The following CD34 variants were observed in gnomAD, a reference collection of about 807,000 sequenced individuals.
CD34 encodes the protein hematopoietic progenitor cell antigen CD34.
CD34 carries 34 observed loss-of-function variants against 40.1 expected under a neutral mutation model. That is an observed-to-expected ratio of 0.85 (90% CI 0.65 to 1.13). CD34 has a LOEUF of 1.13. Ranked by LOEUF, CD34 falls within the 50% of genes most tolerant of loss-of-function variation. The probability of loss-of-function intolerance (pLI) is 0.00; values close to 1 mark genes in which losing one functional copy is unlikely to be tolerated. For missense variants in CD34, 426 were observed against 466.9 expected (o/e 0.91, Z 0.81); for synonymous variants, 209 against 190.0 (o/e 1.10, Z -0.82).
Position 207,897,587 on chromosome 1 carries a change from A to G in CD34, c.517-14T>C. Reference sequence around the variant, plus strand: ...TTTGATTTCTGCCTGTATTAAAACAAAAACAATAACAAAAACAAAGTAAAT... The same window carrying G: ...TTTGATTTCTGCCTGTATTAAAACAGAAACAATAACAAAAACAAAGTAAAT... On this transcript the variant is annotated splice_polypyrimidine_tract_variant and intron_variant, in intron 3 of 7. Coordinates refer to ENST00000310833, the MANE Select transcript of CD34 (RefSeq NM_001025109.2). 1.3e-6 allele frequency: 2 copies of G among 1,541,016 alleles called. No individual in the cohort carries two copies. The highest frequency in any genetic ancestry group is 8.8e-7 in the Non-Finnish European group (1 of 1,137,896).
chr1:207,899,321 A>T (rs535806154), intron 2 of CD34, 95 bp from the exon 3 acceptor site: 1 of 1,355,524 alleles, frequency 7.4e-7, no homozygotes, highest in East Asian at 2.3e-5. Context: ...TCAACACAGA[A>T]AAGGGAGTTT....
At position 207,884,911 on chromosome 1, in the gene CD34, A is replaced by G. The variant is rs1661872527; in HGVS notation, c.*2827T>C. 1 of 152,182 alleles carries G rather than the reference A, an allele frequency of 6.6e-6. No individual in the cohort carries two copies. Among genetic ancestry groups the G allele is most frequent in the Non-Finnish European group, 1.5e-5 (1 of 68,052 alleles). The allele number at this position is 152,182 out of a possible 1,614,324, so 9.4% of individuals were successfully genotyped here. On this transcript the variant is annotated 3_prime_UTR_variant, in exon 8 of 8. Coordinates refer to ENST00000310833, the MANE Select transcript of CD34 (RefSeq NM_001025109.2). ...GTCCCAAACCTATCTTCACACTGCC[A>G]CACTGGCTTCATGACATCCAACTGG...
At chr1:207,898,381 C>T (rs1448979402) in intron 3 of CD34, among the ~76,000 whole-genome samples, 4 of 152,132 alleles carry the variant, frequency 2.6e-5, no homozygotes, top group South Asian at 4.1e-4. Flanking sequence ...AAAGATCCCT[C>T]GGGCATATCT....
rs1287082120 is a variant in CD34, at chr1:207,881,953, G to T, written c.*5785C>A. ...TCTTTGAAGTTCTAAATTTTTAAGA[G>T]TGTAAGAGGGCTTTGAGAATAGCTG... On this transcript the variant is annotated 3_prime_UTR_variant, in exon 8 of 8. Transcript: ENST00000310833. The T allele has an allele frequency of 6.6e-6, 1 of 152,296 alleles. No individual in the cohort carries two copies. The highest frequency in any genetic ancestry group is 2.4e-5 in the African/African-American group (1 of 41,544). 9.4% of individuals were successfully genotyped at this position (152,296 alleles called of 1,614,324 possible). A position where few individuals can be genotyped will look rare whatever the true frequency, so the allele number is the denominator to read the frequency against.
rs199957296 is a variant in CD34, at chr1:207,889,539, T to C, written c.680A>G (p.Gln227Arg). The C allele has an allele frequency of 1.9e-6, 3 of 1,614,092 alleles. No homozygotes were observed. Among genetic ancestry groups the C allele is most frequent in the Non-Finnish European group, 8.5e-7 (1 of 1,179,986 alleles). The part of the protein sequence containing the change: ...EEQADADAGA[Q>R]VCSLLLAQSE... ...CTGGGCAAGGAGCAGGGAGCATACC[T>C]GGGCCCCAGCATCAGCATCAGCCTG... Residue 227 changes from glutamine (Q) to arginine (R), a missense_variant, in exon 5 of 8, where the codon CAG (glutamine) becomes CGG (arginine). Coordinates refer to ENST00000310833, the MANE Select transcript of CD34 (RefSeq NM_001025109.2).
rs766848253 is a variant in CD34, at chr1:207,911,010, C to T, written c.71G>A (p.Ser24Asn). ...PRGWTALCLL[S>N]LLPSGFMSLD... is the part of the protein sequence containing the mutation. ...GCGCGGGCGGTACTCACGCAGCAAACTCAGCAAGCAAAGCGCGGTCCAGCC... is the reference window on the plus strand; with the variant it reads ...GCGCGGGCGGTACTCACGCAGCAAATTCAGCAAGCAAAGCGCGGTCCAGCC... Residue 24 changes from serine to asparagine, a missense_variant, in exon 1 of 8, where the codon AGT (serine) becomes AAT (asparagine). Physicochemically the swap from Ser to Asn is conservative, Grantham distance 46. Coordinates refer to ENST00000310833, the MANE Select transcript of CD34 (RefSeq NM_001025109.2). The T allele has an allele frequency of 6.9e-6, 11 of 1,589,744 alleles. No individual in the cohort carries two copies. In the Admixed American group the frequency reaches 1.7e-4, roughly 25 times the overall value.
Position 207,882,666 on chromosome 1 carries a change from A to T in CD34, c.*5072T>A, listed in dbSNP as rs1661829303. On this transcript the variant is annotated 3_prime_UTR_variant, in exon 8 of 8. Coordinates refer to ENST00000310833, the MANE Select transcript of CD34 (RefSeq NM_001025109.2). ...AATAGAAGGTATAAAGAAGAATCAC[A>T]TGCTTTGCTTGAGCCTTAAAAGAAT... is the stretch of plus-strand genomic sequence containing the variant. The T allele has an allele frequency of 6.6e-6, 1 of 152,250 alleles. No homozygotes were observed. The highest frequency in any genetic ancestry group is 2.4e-5 in the African/African-American group (1 of 41,466). The allele number at this position is 152,250 out of a possible 1,614,324, so 9.4% of individuals were successfully genotyped here.
intron 4 of CD34, among the ~76,000 whole-genome samples, chr1:207,890,891 ACT>A (rs1662018514): frequency 6.6e-6 from 1 of 152,312 alleles, no homozygotes; most frequent in East Asian, 1.9e-4. Context: ...AGACGTTCTA[ACT>A]CTGGAAAAAT....
chr1:207,910,233 G>T (rs1000305138), intron 1 of CD34, among the ~76,000 whole-genome samples: 1 of 152,164 alleles, frequency 6.6e-6, no homozygotes, highest in African/African-American at 2.4e-5. Context: ...TGGAGCAGGG[G>T]CAGAGGAAGA....
chr1:207,894,337 G>GT (rs914782143), intron 4 of CD34, among the ~76,000 whole-genome samples: 6 of 152,192 alleles, frequency 3.9e-5, no homozygotes, highest in African/African-American at 1.4e-4. Context: ...CTCATATGAG[G>GT]TACCTAGAGT....
chr1:207,889,424 C>T, intron 5 of CD34, 41 bp downstream of exon 5: 1 of 1,584,610 alleles, frequency 6.3e-7, no homozygotes, highest in Non-Finnish European at 8.6e-7. Flanking sequence ...TAACCTCAGC[C>T]CTACTCCTTC....
rs1662454554 is a variant in CD34, at chr1:207,909,461, T to C, written c.79+1541A>G. On this transcript the variant is annotated intron_variant, in intron 1 of 7. Transcript: ENST00000310833. ...TCTCGCTCTGTCTCCCAGGCTGGAG[T>C]GCAGTGCCAGGATCTTGGCTCGCTG... Among the ~76,000 whole-genome samples the C allele has an allele frequency of 2.0e-5, 3 of 152,082 alleles. No individual in the cohort carries two copies. In the South Asian group the frequency reaches 6.2e-4, roughly 32 times the overall value.
Position 207,887,460 on chromosome 1 carries a change from C to T in CD34, c.*278G>A, listed in dbSNP as rs1558116571. 10 of 433,176 alleles carry T rather than the reference C, an allele frequency of 2.3e-5. No homozygotes were observed. The East Asian group carries it at 3.2e-4, about 14-fold the overall frequency. 26.8% of individuals were successfully genotyped at this position (433,176 alleles called of 1,614,324 possible). A position where few individuals can be genotyped will look rare whatever the true frequency, so the allele number is the denominator to read the frequency against. On this transcript the variant is annotated 3_prime_UTR_variant, in exon 8 of 8. Transcript: ENST00000310833. ...TCCTGTGTGAGTGCTGCAAGGCCATCGATTGTTCCTGGGAGCTTCTCCAGA... is the reference window on the plus strand; with the variant it reads ...TCCTGTGTGAGTGCTGCAAGGCCATTGATTGTTCCTGGGAGCTTCTCCAGA...
At chr1:207,890,120 A>T in intron 4 of CD34, 1 of 1,159,290 alleles carries the variant, frequency 8.6e-7, no homozygotes, top group African/African-American at 1.6e-5. Flanking sequence ...AAGGAGTCTC[A>T]AAAAGTGCAT....
intron 2 of CD34, 86 bp downstream of exon 2, chr1:207,899,735 G>T: frequency 8.4e-7 from 1 of 1,194,662 alleles, no homozygotes; most frequent in Non-Finnish European, 1.2e-6. Context: ...CCTCTGTGGA[G>T]AGGGGAGCGG....
intron 4 of CD34, among the ~76,000 whole-genome samples, chr1:207,894,728 G>C (rs541503172): frequency 4.6e-5 from 7 of 152,176 alleles, no homozygotes; most frequent in African/African-American, 1.7e-4. Context: ...TACTAATGAG[G>C]GTGCTGAGAT....
At chr1:207,907,380 A>C (rs1283463772) in intron 1 of CD34, among the ~76,000 whole-genome samples, 1 of 152,090 alleles carries the variant, frequency 6.6e-6, no homozygotes, top group Non-Finnish European at 1.5e-5. Context: ...ACCTAAACAC[A>C]AGGCTTCACT....
intron 1 of CD34, among the ~76,000 whole-genome samples, chr1:207,908,694 TCCTGCTCCAG>T (rs1662439560): frequency 6.6e-6 from 1 of 152,162 alleles, no homozygotes; most frequent in Non-Finnish European, 1.5e-5. Context: ...CTGAAAGGCT[TCCTGCTCCAG>T]CCAGCACTCT....
At chr1:207,894,982 T>C (rs1041132231) in intron 4 of CD34, among the ~76,000 whole-genome samples, 5 of 152,160 alleles carry the variant, frequency 3.3e-5, no homozygotes, top group Admixed American at 6.5e-5. Flanking sequence ...GTTATGGGCA[T>C]ATATTAGATG....
Sources: gnomAD v4.1 joint callset for allele counts (sites outside exome capture counted in the v4.1 genomes callset) on GRCh38, gnomAD v4.1.1 for gene constraint, MANE v1.5 for transcripts, NCBI Gene and HGNC (gene_info 2026-07-23, HGNC 2026-07-21) for gene names.